The following TMTC1 variants were observed in gnomAD, a reference collection of about 807,000 sequenced individuals.
The protein encoded by TMTC1 is protein O-mannosyl-transferase TMTC1.
Under a neutral mutation model 104.8 loss-of-function variants are expected in TMTC1, and 73 were observed. The ratio of observed to expected loss-of-function variants is 0.70; its 90% CI spans 0.58 to 0.85. TMTC1 has a LOEUF of 0.85. Ranked by LOEUF, TMTC1 falls within the 40% of genes least tolerant of loss-of-function variation. The pLI, the probability that TMTC1 is intolerant of heterozygous loss-of-function variation, is 0.00. For missense variants in TMTC1, 1,035 were observed against 1,096.1 expected, an observed-to-expected ratio of 0.94 and a Z score of 0.79; for synonymous variants, 434 against 428.7, an observed-to-expected ratio of 1.01 and a Z score of -0.15.
intron 5 of TMTC1, among the ~76,000 whole-genome samples, chr12:29,636,487 T>G (rs925713619): frequency 6.6e-6 from 1 of 152,144 alleles, no homozygotes; most frequent in Non-Finnish European, 1.5e-5. Context: ...TAACAAAAAT[T>G]TTTTAAAGTT....
intron 5 of TMTC1, among the ~76,000 whole-genome samples, chr12:29,671,193 G>A (rs928297562): frequency 2.6e-5 from 4 of 151,158 alleles, no homozygotes; most frequent in African/African-American, 9.7e-5. Context: ...CTACTTAGGA[G>A]GCTGAGGCAG....
At chr12:29,644,090 A>AATATATAAAT (rs200924209) in intron 5 of TMTC1, among the ~76,000 whole-genome samples, 5 of 53,806 alleles carry the variant, frequency 9.3e-5, no homozygotes, top group Non-Finnish European at 1.3e-4. Flanking sequence ...TATAAATATA[A>AATATATAAAT]ATATAAATAT....
chr12:29,737,241 G>A (rs562568403), intron 5 of TMTC1, among the ~76,000 whole-genome samples: 67 of 152,300 alleles, frequency 4.4e-4, no homozygotes, highest in African/African-American at 1.5e-3. Context: ...AGGGGTGGCC[G>A]GGCATGGTGG....
chr12:29,609,409 C>G (rs1946785692), intron 6 of TMTC1, among the ~76,000 whole-genome samples: 2 of 152,168 alleles, frequency 1.3e-5, no homozygotes, highest in African/African-American at 4.8e-5. Context: ...TCTACTTCCT[C>G]TGTTAGACTA....
In TMTC1 at chr12:29,783,867, G is replaced by A. The variant is rs675740; in HGVS notation, c.-116C>T. ...GAGGGGGGCTCGGGCATGGTGCTGC[G>A]GCAGCTGGACCCGCCGCGAGCTCCC... is the stretch of plus-strand genomic sequence containing the variant. On this transcript the variant is annotated 5_prime_UTR_variant, in exon 1 of 18. Transcript: ENST00000539277. The surrounding 1 kb of genome is among the most constrained non-coding windows in gnomAD (Gnocchi z 4.7). 298,612 of 989,916 alleles carry A rather than the reference G, an allele frequency of 0.3. 46,627 individuals carry two copies. Among genetic ancestry groups the A allele is most frequent in the Non-Finnish European group, 0.32 (262,368 of 819,216 alleles). 61.3% of individuals were successfully genotyped at this position (989,916 alleles called of 1,614,324 possible). A position where few individuals can be genotyped will look rare whatever the true frequency, so the allele number is the denominator to read the frequency against.
At position 29,659,780 on chromosome 12, in the gene TMTC1, G is replaced by A. The variant is rs191581925; in HGVS notation, c.939-26444C>T. 4.7e-6 allele frequency: 4 copies of A among 842,910 alleles called. No homozygotes were observed. The Admixed American group carries it at 1.1e-4, about 23-fold the overall frequency. 52.2% of individuals were successfully genotyped at this position (842,910 alleles called of 1,614,324 possible). On this transcript the variant is annotated intron_variant, in intron 5 of 17. Coordinates refer to ENST00000539277, the MANE Select transcript of TMTC1 (RefSeq NM_001193451.2). ...TAGTTTCTTTTCTCCCCACATGGAGGATAGACCCCAATCCTCAATATGCAA... is the reference window on the plus strand; with the variant it reads ...TAGTTTCTTTTCTCCCCACATGGAGAATAGACCCCAATCCTCAATATGCAA...
At chr12:29,729,436 G>A (rs930124154) in intron 5 of TMTC1, among the ~76,000 whole-genome samples, 2 of 152,030 alleles carry the variant, frequency 1.3e-5, no homozygotes, top group Admixed American at 1.3e-4. Context: ...TTTCATGCAC[G>A]AGGGGGAACC....
At chr12:29,545,050 C>T (rs1011503176) in intron 10 of TMTC1, among the ~76,000 whole-genome samples, 2 of 152,100 alleles carry the variant, frequency 1.3e-5, no homozygotes, top group Non-Finnish European at 2.9e-5. Context: ...GTGTCTGGCA[C>T]ATAGTAGGAG....
intron 1 of TMTC1, among the ~76,000 whole-genome samples, chr12:29,780,093 C>T (rs1943799572): frequency 6.6e-6 from 1 of 152,180 alleles, no homozygotes; most frequent in Admixed American, 6.5e-5. Context: ...ATGGCAGCTT[C>T]ATATAAAGCA....
At chr12:29,587,135 G>C (rs915529796) in intron 7 of TMTC1, among the ~76,000 whole-genome samples, 11 of 152,114 alleles carry the variant, frequency 7.2e-5, no homozygotes, top group Non-Finnish European at 1.3e-4. Context: ...TCTATTCAGA[G>C]ATTCAACTGC....
intron 7 of TMTC1, among the ~76,000 whole-genome samples, chr12:29,590,183 C>CAA (rs11421471): frequency 8.1e-4 from 113 of 139,826 alleles, no homozygotes; most frequent in African/African-American, 2.5e-3. Flanking sequence ...TATACAGTAA[C>CAA]AAAAAAAAAA....
intron 10 of TMTC1, among the ~76,000 whole-genome samples, chr12:29,542,677 A>G (rs949939017): frequency 3.3e-5 from 5 of 152,108 alleles, no homozygotes; most frequent in African/African-American, 4.8e-5. Flanking sequence ...GATCCTGCAG[A>G]GGAGGCTAAA....
intron 7 of TMTC1, among the ~76,000 whole-genome samples, chr12:29,599,895 T>C (rs923711923): frequency 6.7e-6 from 1 of 149,440 alleles, no homozygotes; most frequent in Non-Finnish European, 1.5e-5. Flanking sequence ...TATATGTGTA[T>C]ATATACATGT....
intron 8 of TMTC1, among the ~76,000 whole-genome samples, chr12:29,575,597 G>T (rs1389947245): frequency 6.6e-6 from 1 of 151,342 alleles, no homozygotes; most frequent in Non-Finnish European, 1.5e-5. Context: ...GGAGGGATCT[G>T]ATGGGCATCT....
chr12:29,753,796 T>C (rs1943148973), intron 4 of TMTC1, among the ~76,000 whole-genome samples: 1 of 152,190 alleles, frequency 6.6e-6, no homozygotes, highest in South Asian at 2.1e-4. Context: ...GTTGAACGGG[T>C]GGACAAAAGC....
At chr12:29,564,910 A>C (rs1945467311) in intron 9 of TMTC1, among the ~76,000 whole-genome samples, 1 of 152,120 alleles carries the variant, frequency 6.6e-6, no homozygotes, top group African/African-American at 2.4e-5. Flanking sequence ...AAGCTCTGAG[A>C]AACTGGAAAT....
intron 5 of TMTC1, among the ~76,000 whole-genome samples, chr12:29,727,881 C>T (rs1189283177): frequency 6.6e-6 from 1 of 152,110 alleles, no homozygotes; most frequent in East Asian, 1.9e-4. Context: ...GCCTTGAACT[C>T]CTGAGCTCAG....
intron 16 of TMTC1, among the ~76,000 whole-genome samples, chr12:29,513,176 C>CT (rs1472071880): frequency 6.6e-6 from 1 of 152,150 alleles, no homozygotes; most frequent in Non-Finnish European, 1.5e-5. Flanking sequence ...AAGATATGAC[C>CT]TTTAAGCCTG....
At chr12:29,634,426 C>A (rs1045301098) in intron 5 of TMTC1, among the ~76,000 whole-genome samples, 1 of 152,120 alleles carries the variant, frequency 6.6e-6, no homozygotes, top group Non-Finnish European at 1.5e-5. Context: ...CTACAGGGAC[C>A]AATGCTCTGT....
Sources: gnomAD v4.1 joint callset for allele counts (sites outside exome capture counted in the v4.1 genomes callset) on GRCh38, gnomAD v4.1.1 for gene constraint, Gnocchi (gnomAD v3.1) non-coding constraint, MANE v1.5 for transcripts, NCBI Gene and HGNC (gene_info 2026-07-23, HGNC 2026-07-21) for gene names.